The following PTPRD variants were observed in gnomAD, a reference collection of about 807,000 sequenced individuals.
PTPRD encodes the protein receptor-type tyrosine-protein phosphatase delta.
PTPRD carries 34 observed loss-of-function variants against 214.5 expected under a neutral mutation model. The observed-to-expected ratio is 0.16, with a 90% confidence interval of 0.12 to 0.21. The LOEUF (loss-of-function observed/expected upper bound fraction) is 0.21. Ranked by LOEUF, PTPRD falls within the 10% of genes least tolerant of loss-of-function variation. PTPRD has a pLI of 1.00. For synonymous variants in PTPRD, 1,128 were observed against 845.7 expected (o/e 1.33, Z -5.79); for missense variants, 2,545 against 2,398.7 (o/e 1.06, Z -1.27).
chr9:9,793,396 G>C (rs909875462), intron 5 of PTPRD, among the ~76,000 whole-genome samples: 1 of 151,994 alleles, frequency 6.6e-6, no homozygotes, highest in Admixed American at 6.6e-5. Flanking sequence ...TCAAACTCAT[G>C]ATCTTCTATT....
chr9:9,580,299 G>A (rs1184904702), intron 7 of PTPRD, among the ~76,000 whole-genome samples: 1 of 152,082 alleles, frequency 6.6e-6, no homozygotes, highest in East Asian at 1.9e-4. Flanking sequence ...GTTTTCCATA[G>A]AGGTTGTACT....
At chr9:10,075,937 A>G (rs1408280049) in intron 3 of PTPRD, among the ~76,000 whole-genome samples, 2 of 152,142 alleles carry the variant, frequency 1.3e-5, no homozygotes. Context: ...CTTCACACTC[A>G]CAGTTTTCTT....
intron 7 of PTPRD, among the ~76,000 whole-genome samples, chr9:9,636,154 C>T (rs2095759064): frequency 6.6e-6 from 1 of 152,152 alleles, no homozygotes; most frequent in Non-Finnish European, 1.5e-5. Context: ...TGACCTGAAA[C>T]ACTTTTTTGC....
At chr9:9,860,571 C>T (rs1159505632) in intron 5 of PTPRD, among the ~76,000 whole-genome samples, 1 of 152,150 alleles carries the variant, frequency 6.6e-6, no homozygotes, top group Admixed American at 6.5e-5. Context: ...ATTTGATTGC[C>T]TTATGCCTAG....
chr9:9,681,145 T>C (rs966496639), intron 7 of PTPRD, among the ~76,000 whole-genome samples: 2 of 151,840 alleles, frequency 1.3e-5, no homozygotes, highest in Admixed American at 1.3e-4. Context: ...CAATTTCCAT[T>C]CACTTGAATC....
intron 8 of PTPRD, among the ~76,000 whole-genome samples, chr9:9,442,921 C>T (rs748992956): frequency 6.6e-6 from 1 of 152,130 alleles, no homozygotes; most frequent in African/African-American, 2.4e-5. Flanking sequence ...TTTATCCATA[C>T]ATGTAACATG....
intron 10 of PTPRD, among the ~76,000 whole-genome samples, chr9:9,077,503 G>C (rs1296474191): frequency 6.6e-6 from 1 of 151,938 alleles, no homozygotes; most frequent in Non-Finnish European, 1.5e-5. Context: ...GGTTCATCTG[G>C]ATTAAAATAC....
chr9:9,982,276 A>T (rs1309000089), intron 4 of PTPRD, among the ~76,000 whole-genome samples: 2 of 152,162 alleles, frequency 1.3e-5, no homozygotes, highest in African/African-American at 4.8e-5. Context: ...ATCCACAAGG[A>T]CCAAACAACA....
rs73418397 is a variant in PTPRD at position 8,395,788 on chromosome 9, C to G, written c.4211-6381G>C. On this transcript the variant is annotated intron_variant, in intron 36 of 45. Transcript: ENST00000381196. ...CTACTTGATTTTCCATACCCCCACACTGCTGAGGAGGCTGAGTTTTGAGAA... is the reference window on the plus strand; with the variant it reads ...CTACTTGATTTTCCATACCCCCACAGTGCTGAGGAGGCTGAGTTTTGAGAA... 1.3e-3 allele frequency among the ~76,000 whole-genome samples: 204 copies of G among 152,126 alleles called. 2 individuals are homozygous for G. Among genetic ancestry groups the G allele is most frequent in the African/African-American group, 4.8e-3 (200 of 41,508 alleles).
At chr9:9,932,327 GA>G (rs1161331336) in intron 5 of PTPRD, among the ~76,000 whole-genome samples, 2 of 143,012 alleles carry the variant, frequency 1.4e-5, no homozygotes, top group East Asian at 2.1e-4. Flanking sequence ...TGAAAACTTT[GA>G]AAAAAATTTA....
intron 6 of PTPRD, among the ~76,000 whole-genome samples, chr9:9,748,703 A>C (rs1469269212): frequency 6.6e-6 from 1 of 152,102 alleles, no homozygotes; most frequent in Admixed American, 6.5e-5. Flanking sequence ...TAAAAAAATT[A>C]TTTCAGGCTT....
intron 11 of PTPRD, among the ~76,000 whole-genome samples, chr9:8,827,837 A>T (rs577210495): frequency 3.9e-5 from 6 of 152,346 alleles, no homozygotes; most frequent in Middle Eastern, 3.4e-3. Flanking sequence ...TAGCTAAATG[A>T]ACTTGAATAG....
intron 6 of PTPRD, among the ~76,000 whole-genome samples, chr9:9,744,180 C>G (rs951464044): frequency 6.6e-6 from 1 of 152,162 alleles, no homozygotes; most frequent in South Asian, 2.1e-4. Context: ...ATCACACTTC[C>G]CAAACAAGTC....
chr9:8,917,624 G>A (rs2098796449), intron 11 of PTPRD, among the ~76,000 whole-genome samples: 1 of 151,950 alleles, frequency 6.6e-6, no homozygotes, highest in Non-Finnish European at 1.5e-5. Context: ...CAGCCAATCT[G>A]GAGAACTCTT....
chr9:8,420,887 G>T (rs1237440717), intron 35 of PTPRD, among the ~76,000 whole-genome samples: 1 of 150,320 alleles, frequency 6.7e-6, no homozygotes, highest in Non-Finnish European at 1.5e-5. Context: ...TTCCCCTGTT[G>T]TTTTATTTCA....
intron 4 of PTPRD, among the ~76,000 whole-genome samples, chr9:10,011,254 C>G (rs1370724543): frequency 2.6e-5 from 4 of 151,854 alleles, no homozygotes; most frequent in Admixed American, 2.6e-4. Flanking sequence ...AACTGAAGAT[C>G]TGATCATTAG....
chr9:8,355,363 T>G (rs946173733), intron 39 of PTPRD, among the ~76,000 whole-genome samples: 1 of 152,224 alleles, frequency 6.6e-6, no homozygotes, highest in Non-Finnish European at 1.5e-5. Context: ...CTAACATACC[T>G]GGTTATGTAT....
At chr9:10,066,407 A>G (rs77271608) in intron 3 of PTPRD, among the ~76,000 whole-genome samples, 1,910 of 151,962 alleles carry the variant, frequency 0.013, 20 homozygotes, top group Middle Eastern at 0.027. Context: ...CACTTCACTA[A>G]TTGAAGCTAT....
chr9:9,247,104 C>G (rs555171483), intron 9 of PTPRD, among the ~76,000 whole-genome samples: 1 of 152,114 alleles, frequency 6.6e-6, no homozygotes, highest in South Asian at 2.1e-4. Flanking sequence ...GTCACTCTAG[C>G]CTTCTTCCAC....
Sources: gnomAD v4.1 joint callset for allele counts (sites outside exome capture counted in the v4.1 genomes callset) on GRCh38, gnomAD v4.1.1 for gene constraint, MANE v1.5 for transcripts, NCBI Gene and HGNC (gene_info 2026-07-23, HGNC 2026-07-21) for gene names.